Variants in CPNE8 observed in about 807,000 individuals in gnomAD.
CPNE8 encodes copine 8.
CPNE8 carries 45 observed loss-of-function variants against 81.5 expected under a neutral mutation model. The ratio of observed to expected loss-of-function variants is 0.55; its 90% CI spans 0.44 to 0.71. CPNE8 has a LOEUF of 0.71. CPNE8 is among the 30% of genes least tolerant of loss of function. The probability of loss-of-function intolerance (pLI) is 0.00; values close to 1 mark genes in which losing one functional copy is unlikely to be tolerated. For synonymous variants in CPNE8, 252 were observed against 226.3 expected (o/e 1.11, Z -1.02); for missense variants, 594 against 672.1 (o/e 0.88, Z 1.28).
intron 3 of CPNE8, among the ~76,000 whole-genome samples, chr12:38,867,923 TTAGAGA>T (rs1386845181): frequency 6.6e-6 from 1 of 152,190 alleles, no homozygotes; most frequent in Non-Finnish European, 1.5e-5. Flanking sequence ...TATAATCATG[TTAGAGA>T]TAATTTTTAA....
At position 38,905,560 on chromosome 12, in the gene CPNE8, T is replaced by C. The variant is rs1396243274; in HGVS notation, c.-26A>G. Reference sequence around the variant, plus strand: ...ATTGGGAGGAGGCGCCTTGGACTTGTCCGGCGCCCACAACCACAGCTCGGG... The same window carrying C: ...ATTGGGAGGAGGCGCCTTGGACTTGCCCGGCGCCCACAACCACAGCTCGGG... On this transcript the variant is annotated 5_prime_UTR_variant, in exon 1 of 20. Transcript: ENST00000331366. The C allele has an allele frequency of 2.2e-5, 34 of 1,548,300 alleles. No individual in the cohort carries two copies. In the East Asian group the frequency reaches 6.8e-4, roughly 31 times the overall value.
chr12:38,794,606 C>T (rs912619134), intron 6 of CPNE8, among the ~76,000 whole-genome samples: 1 of 151,666 alleles, frequency 6.6e-6, no homozygotes, highest in Non-Finnish European at 1.5e-5. Context: ...TTAAATATCA[C>T]CTCATAGCCA....
At chr12:38,741,908 C>T (rs191155912) in intron 10 of CPNE8, among the ~76,000 whole-genome samples, 249 of 152,246 alleles carry the variant, frequency 1.6e-3, no homozygotes, top group Non-Finnish European at 3.1e-3. Context: ...ATGCAGCCAA[C>T]AGACACATGA....
chr12:38,723,058 T>C (rs1940605381), intron 13 of CPNE8, among the ~76,000 whole-genome samples: 1 of 152,136 alleles, frequency 6.6e-6, no homozygotes, highest in Admixed American at 6.5e-5. Flanking sequence ...GAACTGTGAG[T>C]CAATTAAACC....
intron 7 of CPNE8, among the ~76,000 whole-genome samples, chr12:38,770,925 A>T (rs1225218439): frequency 6.6e-6 from 1 of 152,150 alleles, no homozygotes; most frequent in Admixed American, 6.5e-5. Flanking sequence ...ACATATCATG[A>T]CATATATTAC....
chr12:38,758,438 C>T (rs1276062392), intron 10 of CPNE8, among the ~76,000 whole-genome samples: 1 of 152,072 alleles, frequency 6.6e-6, no homozygotes, highest in African/African-American at 2.4e-5. Flanking sequence ...TAAAGTATCA[C>T]AGAATAAGTC....
chr12:38,814,175 G>C (rs986398468), intron 6 of CPNE8, among the ~76,000 whole-genome samples: 4 of 152,016 alleles, frequency 2.6e-5, no homozygotes, highest in African/African-American at 9.7e-5. Flanking sequence ...TCTGTGTACC[G>C]AAATGCAAAG....
At chr12:38,680,752 G>C (rs1021904439) in intron 16 of CPNE8, among the ~76,000 whole-genome samples, 1 of 151,914 alleles carries the variant, frequency 6.6e-6, no homozygotes, top group African/African-American at 2.4e-5. Flanking sequence ...CATAAGAACA[G>C]TTTTTATTTT....
At chr12:38,794,467 C>T (rs1942406144) in intron 6 of CPNE8, among the ~76,000 whole-genome samples, 1 of 151,928 alleles carries the variant, frequency 6.6e-6, no homozygotes, top group Non-Finnish European at 1.5e-5. Flanking sequence ...AAGAACTCCT[C>T]CCAATCTGAT....
chr12:38,825,581 T>C (rs1943175301), intron 6 of CPNE8, among the ~76,000 whole-genome samples: 1 of 152,208 alleles, frequency 6.6e-6, no homozygotes, highest in Admixed American at 6.5e-5. Context: ...GTTTTTCATT[T>C]GAGACTGAGG....
rs922626573 is a variant in CPNE8 at position 38,652,904 on chromosome 12, G to T, written c.*978C>A. The T allele has an allele frequency of 6.6e-5, 10 of 152,588 alleles. No homozygotes were observed. Among genetic ancestry groups the T allele is most frequent in the Non-Finnish European group, 7.3e-5 (5 of 68,038 alleles). The allele number at this position is 152,588 out of a possible 1,614,324, so 9.5% of individuals were successfully genotyped here. On this transcript the variant is annotated 3_prime_UTR_variant, in exon 20 of 20. Coordinates refer to ENST00000331366, the MANE Select transcript of CPNE8 (RefSeq NM_153634.3). ...GACTTCCAGCCTGTGCACCTTGTGTGGCAACGTGGAATGGTGATAACAAGA... is the reference window on the plus strand; with the variant it reads ...GACTTCCAGCCTGTGCACCTTGTGTTGCAACGTGGAATGGTGATAACAAGA...
Position 38,724,863 on chromosome 12 carries a change from A to G in CPNE8, c.835T>C (p.Tyr279His), listed in dbSNP as rs1277918999. Residue 279 changes from tyrosine to histidine, a missense_variant, in exon 12 of 20, where the codon TAT (tyrosine) becomes CAT (histidine). Coordinates refer to ENST00000331366, the MANE Select transcript of CPNE8 (RefSeq NM_153634.3). ...NPKKKGKKKK[Y>H]TNSGTVTLLS... ...TGACTTACTGTTCCAGAATTAGTAT[A>G]TTTTTTCTTTTTTCCTTTCTTTTTG... The G allele has an allele frequency of 6.7e-7, 1 of 1,490,662 alleles. No homozygotes were observed. The highest frequency in any genetic ancestry group is 1.8e-4 in the Middle Eastern group (1 of 5,662). The allele number at this position is 1,490,662 out of a possible 1,614,324, so 92.3% of individuals were successfully genotyped here. A position where few individuals can be genotyped will look rare whatever the true frequency, so the allele number is the denominator to read the frequency against.
intron 14 of CPNE8, among the ~76,000 whole-genome samples, chr12:38,698,341 C>T (rs1939848040): frequency 6.6e-6 from 1 of 152,024 alleles, no homozygotes; most frequent in South Asian, 2.1e-4. Flanking sequence ...AACATTTTTT[C>T]CATTTTGGGG....
In CPNE8 at chr12:38,677,448, T is replaced by C; in HGVS notation, c.1374+4A>G. On this transcript the variant is annotated splice_donor_region_variant and intron_variant, in intron 17 of 19. Coordinates refer to ENST00000331366, the MANE Select transcript of CPNE8 (RefSeq NM_153634.3). ...GAGCCCAATACGGAGTGACCCCCAC[T>C]TACATTAACTATGGACTCCTTAGTC... The C allele has an allele frequency of 6.4e-7, 1 of 1,553,662 alleles. No individual in the cohort carries two copies. The highest frequency in any genetic ancestry group is 8.9e-7 in the Non-Finnish European group (1 of 1,125,444).
chr12:38,792,521 T>G (rs1942350953), intron 6 of CPNE8, among the ~76,000 whole-genome samples: 1 of 151,528 alleles, frequency 6.6e-6, no homozygotes, highest in Non-Finnish European at 1.5e-5. Context: ...CTATCAAGAC[T>G]GGATCATGAA....
intron 1 of CPNE8, 94 bp downstream of exon 1, chr12:38,905,343 C>T (rs1000672283): frequency 5.6e-6 from 8 of 1,419,022 alleles, no homozygotes; most frequent in Non-Finnish European, 7.6e-6. Context: ...AACTTCTTGC[C>T]TGCGCAAAGC....
Position 38,653,999 on chromosome 12 carries a change from A to G in CPNE8, c.1578T>C (p.Asp526=), listed in dbSNP as rs756998678. Residue 526 remains aspartate (D), a synonymous_variant, in exon 20 of 20, where the codon GAT becomes GAC. Transcript: ENST00000331366. ...ACTGCTCAGGGATCTCAGCTAGGACATCTTTAGCCAATCTAGCCATGCTCA... is the reference window on the plus strand; with the variant it reads ...ACTGCTCAGGGATCTCAGCTAGGACGTCTTTAGCCAATCTAGCCATGCTCA... The part of the protein sequence containing the change: ...HILSMARLAK[D]VLAEIPEQFL... 12 of 1,613,728 alleles carry G rather than the reference A, an allele frequency of 7.4e-6. No individual in the cohort carries two copies. Among genetic ancestry groups the G allele is most frequent in the Non-Finnish European group, 1.0e-5 (12 of 1,179,922 alleles).
chr12:38,768,496 G>A (rs1941736092), intron 7 of CPNE8, among the ~76,000 whole-genome samples: 1 of 151,928 alleles, frequency 6.6e-6, no homozygotes, highest in Non-Finnish European at 1.5e-5. Context: ...AGTTTTGTGG[G>A]GTTTTGTGTG....
At chr12:38,679,590 A>G in intron 16 of CPNE8, 1 of 985,042 alleles carries the variant, frequency 1.0e-6, no homozygotes, top group Non-Finnish European at 1.2e-6. Flanking sequence ...TTTACTTTTA[A>G]GTTCTGTCCA....
Sources: allele counts gnomAD v4.1 joint callset (sites outside exome capture counted in the v4.1 genomes callset), GRCh38; gene constraint gnomAD v4.1.1; transcripts MANE v1.5; gene names NCBI Gene and HGNC (gene_info 2026-07-23, HGNC 2026-07-21).